ARHGEF18: variants seen among roughly 807,000 people sequenced by gnomAD.
ARHGEF18 encodes rho guanine nucleotide exchange factor 18.
A neutral mutation model predicts 155.7 loss-of-function variants in ARHGEF18; 93 were observed. The observed-to-expected ratio is 0.60, with a 90% CI of 0.50 to 0.71. ARHGEF18 has a LOEUF of 0.71. Among genes scored for constraint, ARHGEF18 ranks in the 30% least tolerant of loss-of-function variants. ARHGEF18 has a pLI of 0.00. For synonymous variants in ARHGEF18, 742 were observed against 753.1 expected, an observed-to-expected ratio of 0.99 and a Z score of 0.24; for missense variants, 1,593 against 1,816.1, an observed-to-expected ratio of 0.88 and a Z score of 2.23.
In ARHGEF18 at chr19:7,463,833, G is replaced by A. The variant is rs147858923; in HGVS notation, c.2651G>A (p.Ser884Asn). 1.6e-5 allele frequency: 26 copies of A among 1,607,474 alleles called. No individual in the cohort carries two copies. Among genetic ancestry groups the A allele is most frequent in the South Asian group, 1.0e-4 (9 of 89,878 alleles). Reference sequence around the variant, plus strand: ...CCTTCCACAGTCGAGGGCATCCAGAGCCTGATCTGCAGGCAGCTGGGCAGC... The same window carrying A: ...CCTTCCACAGTCGAGGGCATCCAGAACCTGATCTGCAGGCAGCTGGGCAGC... ...SAMSEIEGIQ[S>N]LICRQLGSAN... Residue 884 changes from serine (S) to asparagine (N), a missense_variant, in exon 22 of 29, where the codon AGC (serine) becomes AAC (asparagine). Ser to Asn is a conservative substitution (Grantham distance 46, BLOSUM62 1). Coordinates refer to ENST00000668164, the MANE Select transcript of ARHGEF18 (RefSeq NM_001367823.1). The surrounding 1 kb of genome is among the most constrained non-coding windows in gnomAD (Gnocchi z 5.2).
At chr19:7,367,840 T>TACACATATGTATA (rs71177201) in intron 2 of ARHGEF18, among the ~76,000 whole-genome samples, 1 of 34,426 alleles carries the variant, frequency 2.9e-5, no homozygotes, top group Non-Finnish European at 6.3e-5. Context: ...CATATATATA[T>TACACATATGTATA]TTTATATATA....
chr19:7,401,787 T>A (rs2145571870), intron 10 of ARHGEF18, among the ~76,000 whole-genome samples: 1 of 152,290 alleles, frequency 6.6e-6, no homozygotes, highest in East Asian at 1.9e-4. Flanking sequence ...GGAATGTTCA[T>A]AGTAGCATTA....
In ARHGEF18 at chr19:7,399,539, TGGCGC is replaced by T. The variant is rs1439309308; in HGVS notation, c.967+16338_967+16342del. 5.3e-5 allele frequency among the ~76,000 whole-genome samples: 8 copies of T among 151,698 alleles called. 1 individual carries two copies. The highest frequency in any genetic ancestry group is 1.9e-4 in the African/African-American group (8 of 41,342). ...CTCTGTGCCCCAGCCTGGAGTGCAG[TGGCGC>T]GATCTTGGCCCACTGCAAGCTCCAC... On this transcript the variant is annotated intron_variant, in intron 10 of 28. Transcript: ENST00000668164.
chr19:7,372,732 AC>A, intron 2 of ARHGEF18, 79 bp from the exon 3 acceptor site: 1 of 1,211,546 alleles, frequency 8.3e-7, no homozygotes, highest in Non-Finnish European at 1.0e-6. Flanking sequence ...GGGAGCAGGG[AC>A]CTTGTGGTCA....
chr19:7,366,563 G>A (rs532336339), intron 2 of ARHGEF18, among the ~76,000 whole-genome samples: 5 of 152,212 alleles, frequency 3.3e-5, no homozygotes, highest in Admixed American at 1.3e-4. Flanking sequence ...TTTGGAGAGC[G>A]TAATCTGTTC....
downstream of ARHGEF18, among the ~76,000 whole-genome samples, chr19:7,476,678 G>A (rs1388912478): frequency 6.6e-6 from 1 of 152,226 alleles, no homozygotes; most frequent in East Asian, 1.9e-4. Flanking sequence ...ACTCTGGGGA[G>A]TAGAGAACAG....
chr19:7,468,880 G>C lies in ARHGEF18; in HGVS notation c.3536G>C (p.Arg1179Pro). The C allele has an allele frequency of 6.3e-7, 1 of 1,575,788 alleles. No homozygotes were observed. Among genetic ancestry groups the C allele is most frequent in the Non-Finnish European group, 8.6e-7 (1 of 1,160,424 alleles). The change falls in exon 27 of 29, where the codon CGT becomes CCT. Residue 1179 changes from arginine (R) to proline (P), a missense_variant. By Grantham distance (103) the Arg-to-Pro change is moderately radical. Transcript: ENST00000668164. Reference protein sequence around the residue: ...SFNGEGLEGPRVSMLPSGVGP... With the variant: ...SFNGEGLEGPPVSMLPSGVGP... ...AACGGGGAAGGGCTGGAGGGCCCTC[G>C]TGTGAGCATGCTGCCATCCGGCGTG...
intron 1 of ARHGEF18, among the ~76,000 whole-genome samples, chr19:7,359,697 T>A (rs1238041323): frequency 1.3e-5 from 2 of 152,070 alleles, no homozygotes; most frequent in Non-Finnish European, 2.9e-5. Flanking sequence ...GGATCAAGGC[T>A]CAGTATATGA....
At chr19:7,476,378 G>A (rs915086933), downstream of ARHGEF18, among the ~76,000 whole-genome samples, 1 of 152,228 alleles carries the variant, frequency 6.6e-6, no homozygotes, top group Non-Finnish European at 1.5e-5. Flanking sequence ...ACTGGCTGTT[G>A]TGTGTTCCTG....
At chr19:7,478,673 G>A in the ARHGEF18 span, among the ~76,000 whole-genome samples, 3 of 152,336 alleles carry the variant, frequency 2.0e-5, no homozygotes, top group Admixed American at 6.5e-5. Context: ...ATCAAGCCCC[G>A]TGAGGTGTTC....
At chr19:7,466,829 T>TAAA in intron 23 of ARHGEF18, 89 bp from the exon 24 acceptor site, 1 of 900,718 alleles carries the variant, frequency 1.1e-6, no homozygotes. Context: ...AAAAAAAAGT[T>TAAA]AAAAAAAAAG....
At chr19:7,455,885 A>G (rs1975795390) in intron 17 of ARHGEF18, among the ~76,000 whole-genome samples, 1 of 152,202 alleles carries the variant, frequency 6.6e-6, no homozygotes. Flanking sequence ...CTCATTCACT[A>G]TCACGAGAAC....
At chr19:7,419,582 T>A (rs2145668434) in intron 10 of ARHGEF18, among the ~76,000 whole-genome samples, 1 of 152,186 alleles carries the variant, frequency 6.6e-6, no homozygotes, top group East Asian at 1.9e-4. Flanking sequence ...CACCCTAGTC[T>A]TGCCCTGAAA....
At chr19:7,406,049 AGAG>A (rs1400898921) in intron 10 of ARHGEF18, among the ~76,000 whole-genome samples, 8 of 152,112 alleles carry the variant, frequency 5.3e-5, no homozygotes, top group African/African-American at 1.7e-4. Flanking sequence ...CAGAGAGGAA[AGAG>A]GAGGTCTTCA....
At chr19:7,397,506 G>GC (rs1491471912) in intron 10 of ARHGEF18, among the ~76,000 whole-genome samples, 5 of 151,812 alleles carry the variant, frequency 3.3e-5, no homozygotes, top group African/African-American at 1.2e-4. Flanking sequence ...CCCGGGGGGG[G>GC]GCAGATCACG....
chr19:7,400,816 C>T (rs999905242), intron 10 of ARHGEF18, among the ~76,000 whole-genome samples: 1 of 151,970 alleles, frequency 6.6e-6, no homozygotes, highest in Non-Finnish European at 1.5e-5. Flanking sequence ...GCCTTGGCAA[C>T]AGAGCAAGAC....
At chr19:7,439,702 G>C in intron 10 of ARHGEF18, 2 of 1,255,520 alleles carry the variant, frequency 1.6e-6, no homozygotes, top group Non-Finnish European at 2.0e-6. Context: ...ACCATGCCCT[G>C]CCATCTCTGG....
intron 14 of ARHGEF18, 133 bp from the exon 15 acceptor site, chr19:7,446,910 A>T: frequency 9.8e-7 from 1 of 1,018,722 alleles, no homozygotes. Context: ...AAAAAAAAAA[A>T]AGAAGAAGAA....
Position 7,456,311 on chromosome 19 carries a change from C to T in ARHGEF18, c.2105-16C>T. ...ATGGGACTTTTAAGATGCATCCTTCCATGCTGTTTTCCCAGATATCCTGGC... is the reference window on the plus strand; with the variant it reads ...ATGGGACTTTTAAGATGCATCCTTCTATGCTGTTTTCCCAGATATCCTGGC... On this transcript the variant is annotated splice_polypyrimidine_tract_variant and intron_variant, in intron 17 of 28. Transcript: ENST00000668164. The T allele has an allele frequency of 1.2e-6, 2 of 1,613,772 alleles. 1 individual carries two copies. Among genetic ancestry groups the T allele is most frequent in the South Asian group, 2.2e-5 (2 of 91,084 alleles).
Sources: allele counts gnomAD v4.1 joint callset (sites outside exome capture counted in the v4.1 genomes callset), GRCh38; gene constraint gnomAD v4.1.1; non-coding constraint Gnocchi (gnomAD v3.1); transcripts MANE v1.5; gene names NCBI Gene and HGNC (gene_info 2026-07-23, HGNC 2026-07-21).